CXCL14: variants seen among roughly 807,000 people sequenced by gnomAD.
CXCL14 encodes C-X-C motif chemokine ligand 14.
CXCL14 carries 9 observed loss-of-function variants against 16.1 expected under a neutral mutation model. The ratio of observed to expected loss-of-function variants is 0.56; its 90% confidence interval spans 0.34 to 0.97. The LOEUF (loss-of-function observed/expected upper bound fraction) is 0.97, where lower values mean the gene tolerates loss of function less well. Among genes scored for constraint, CXCL14 ranks in the 50% least tolerant of loss-of-function variants. CXCL14 has a pLI of 0.02. For missense variants in CXCL14, 111 were observed against 132.5 expected, an observed-to-expected ratio of 0.84 and a Z score of 0.80; for synonymous variants, 55 against 52.8, an observed-to-expected ratio of 1.04 and a Z score of -0.18.
intron 2 of CXCL14, among the ~76,000 whole-genome samples, chr5:135,577,435 G>A (rs1751120907): frequency 6.6e-6 from 1 of 152,242 alleles, no homozygotes; most frequent in Non-Finnish European, 1.5e-5. Context: ...AGTTCCAGTG[G>A]ATTTCTGAAT....
chr5:135,575,745 A>G (rs932980575), intron 2 of CXCL14, among the ~76,000 whole-genome samples: 1 of 152,176 alleles, frequency 6.6e-6, no homozygotes, highest in African/African-American at 2.4e-5. Context: ...GGGGAATAAG[A>G]GACCACCTAG....
rs958963860 is a variant in CXCL14 at position 135,570,958 on chromosome 5, T to C, written c.*895A>G. 3.3e-5 allele frequency: 5 copies of C among 152,346 alleles called. No individual in the cohort carries two copies. In the South Asian group the frequency reaches 1.0e-3, roughly 32 times the overall value. 9.4% of individuals were successfully genotyped at this position (152,346 alleles called of 1,614,324 possible). On this transcript the variant is annotated 3_prime_UTR_variant, in exon 4 of 4. Transcript: ENST00000512158. Reference sequence around the variant, plus strand: ...TATTGCTTTAGTACTGCATGTTCTGTTGTGGTGAGGGAAAGAAACATGCTT... The same window carrying C: ...TATTGCTTTAGTACTGCATGTTCTGCTGTGGTGAGGGAAAGAAACATGCTT...
intron 3 of CXCL14, among the ~76,000 whole-genome samples, chr5:135,573,041 G>GAA (rs111277613): frequency 6.7e-6 from 1 of 149,032 alleles, no homozygotes; most frequent in Non-Finnish European, 1.5e-5. Flanking sequence ...GAATTTTCAG[G>GAA]AAAAAAAAAA....
rs1183774556 is a variant in CXCL14 at position 135,570,989 on chromosome 5, GT to G, written c.*863del. 1 of 152,152 alleles carries G rather than the reference GT, an allele frequency of 6.6e-6. No individual in the cohort carries two copies. The highest frequency in any genetic ancestry group is 1.5e-5 in the Non-Finnish European group (1 of 68,048). 9.4% of individuals were successfully genotyped at this position (152,152 alleles called of 1,614,324 possible). A position where few individuals can be genotyped will look rare whatever the true frequency, so the allele number is the denominator to read the frequency against. ...TGAGGGAAAGAAACATGCTTTGAAG[GT>G]TTTCCCTTGTCAACAGAATGTGTGT... On this transcript the variant is annotated 3_prime_UTR_variant, in exon 4 of 4. Transcript: ENST00000512158.
Position 135,576,737 on chromosome 5 carries a change from C to G in CXCL14, c.170+1697G>C, listed in dbSNP as rs955210167. On this transcript the variant is annotated intron_variant, in intron 2 of 3. Coordinates refer to ENST00000512158, the MANE Select transcript of CXCL14 (RefSeq NM_004887.5). ...CACTTGCAAAGCGGACCTCTCCCCCCGCCCCTACTCCTGCCCCCACCCCCA... is the reference window on the plus strand; with the variant it reads ...CACTTGCAAAGCGGACCTCTCCCCCGGCCCCTACTCCTGCCCCCACCCCCA... Among the ~76,000 whole-genome samples the G allele has an allele frequency of 4.0e-5, 6 of 151,716 alleles. No homozygotes were observed. The East Asian group carries it at 7.7e-4, about 20-fold the overall frequency.
intron 2 of CXCL14, among the ~76,000 whole-genome samples, chr5:135,576,832 G>GA (rs1377599994): frequency 5.3e-5 from 8 of 151,452 alleles, no homozygotes; most frequent in African/African-American, 1.7e-4. Context: ...CTTTGTGGCT[G>GA]AAAACCTGCT....
intron 3 of CXCL14, among the ~76,000 whole-genome samples, chr5:135,573,741 T>C (rs57071052): frequency 0.04 from 6,062 of 150,402 alleles, 379 homozygotes; most frequent in African/African-American, 0.13. Context: ...TGTGTGTGTG[T>C]GCTTCCTGAT....
chr5:135,571,916 C>T, intron 3 of CXCL14, 48 bp from the exon 4 acceptor site: 3 of 1,605,420 alleles, frequency 1.9e-6, no homozygotes, highest in Non-Finnish European at 2.6e-6. Context: ...ATGAGGCAGG[C>T]CGTTCACAAG....
chr5:135,574,446 T>A (rs758600040), intron 3 of CXCL14, 126 bp downstream of exon 3: 9 of 693,508 alleles, frequency 1.3e-5, no homozygotes, highest in Non-Finnish European at 1.8e-5. Context: ...ATCTGTTTGC[T>A]GTGGATGTTG....
At chr5:135,574,505 T>A (rs1032529411) in intron 3 of CXCL14, 67 bp downstream of exon 3, 6 of 1,297,110 alleles carry the variant, frequency 4.6e-6, no homozygotes, top group Non-Finnish European at 4.4e-6. Context: ...GGTGGGGGGG[T>A]CCCTTCCCAT....
In CXCL14 at chr5:135,578,501, G is replaced by T. The variant is rs1488452060; in HGVS notation, c.103C>A (p.Arg35Ser). 4 of 1,614,206 alleles carry T rather than the reference G, an allele frequency of 2.5e-6. No homozygotes were observed. Among genetic ancestry groups the T allele is most frequent in the Non-Finnish European group, 3.4e-6 (4 of 1,180,030 alleles). Residue 35 changes from arginine to serine, a missense_variant, in exon 2 of 4, where the codon CGC (arginine) becomes AGC (serine). By Grantham distance (110) the Arg-to-Ser change is moderately radical (BLOSUM62 -1). Transcript: ENST00000512158. ...CKCSRKGPKI[R>S]YSDVKKLEMK... ...TCCAGCTTCTTCACGTCGCTGTAGCGGATCTTGGGTCCCTTCCGGGAGCAC... is the reference window on the plus strand; with the variant it reads ...TCCAGCTTCTTCACGTCGCTGTAGCTGATCTTGGGTCCCTTCCGGGAGCAC...
intron 2 of CXCL14, among the ~76,000 whole-genome samples, 178 bp from the exon 3 acceptor site, chr5:135,574,863 G>A (rs557916368): frequency 6.6e-5 from 10 of 152,148 alleles, no homozygotes; most frequent in Admixed American, 6.5e-4. Flanking sequence ...GAAGGTTCTG[G>A]TTGTCCCCTT....
In CXCL14 at chr5:135,571,866, A is replaced by G; in HGVS notation, c.287T>C (p.Val96Ala). 1 of 1,602,440 alleles carries G rather than the reference A, an allele frequency of 6.2e-7. No homozygotes were observed. The change falls in exon 4 of 4, where the codon GTC becomes GCC. Residue 96 changes from valine to alanine, a missense_variant and splice_region_variant. Transcript: ENST00000512158. ...AGGTTTTTCACCCTATTCTTCGTAG[A>G]CCCTGGGGAGAAAAAACACATGTGT... ...WYNAWNEKRR[V>A]YEE
chr5:135,575,703 C>A (rs1356704819), intron 2 of CXCL14, among the ~76,000 whole-genome samples: 2 of 152,224 alleles, frequency 1.3e-5, no homozygotes, highest in Non-Finnish European at 2.9e-5. Flanking sequence ...AACTTCTGAG[C>A]ACCTCTAGGC....
intron 2 of CXCL14, among the ~76,000 whole-genome samples, chr5:135,577,254 C>T (rs1050958593): frequency 2.0e-5 from 3 of 152,126 alleles, no homozygotes; most frequent in Admixed American, 6.5e-5. Context: ...ATTCTTAGCC[C>T]CCAAACTGGA....
intron 2 of CXCL14, among the ~76,000 whole-genome samples, chr5:135,575,950 T>C (rs956289942): frequency 1.3e-5 from 2 of 152,048 alleles, no homozygotes; most frequent in African/African-American, 4.8e-5. Flanking sequence ...AAATGGAAAA[T>C]GTCATGGCTT....
At chr5:135,576,874 G>C (rs2237062) in intron 2 of CXCL14, among the ~76,000 whole-genome samples, 40,256 of 151,896 alleles carry the variant, frequency 0.27, 5,488 homozygotes, top group Middle Eastern at 0.33. Context: ...ATCTGATTTG[G>C]AGAGTTTTAG....
At chr5:135,572,553 T>TA (rs1751044137) in intron 3 of CXCL14, among the ~76,000 whole-genome samples, 1 of 152,200 alleles carries the variant, frequency 6.6e-6, no homozygotes, top group South Asian at 2.1e-4. Flanking sequence ...TGTGCCCAGT[T>TA]AGATATTTTG....
chr5:135,573,711 T>C (rs1304183199), intron 3 of CXCL14, among the ~76,000 whole-genome samples: 1 of 94,856 alleles, frequency 1.1e-5, no homozygotes, highest in African/African-American at 4.0e-5. Flanking sequence ...CATGCATGCG[T>C]GTGTGTGTGT....
Sources: gnomAD v4.1 joint callset for allele counts (sites outside exome capture counted in the v4.1 genomes callset) on GRCh38, gnomAD v4.1.1 for gene constraint, MANE v1.5 for transcripts, NCBI Gene and HGNC (gene_info 2026-07-23, HGNC 2026-07-21) for gene names.